Variants in MYO10 observed in about 807,000 individuals in gnomAD.
The protein encoded by MYO10 is myosin X.
In MYO10, 133 loss-of-function variants were observed where a neutral mutation model predicts 257.3. The observed-to-expected ratio is 0.52, with a 90% CI of 0.45 to 0.60. The LOEUF (loss-of-function observed/expected upper bound fraction) is 0.60, where lower values mean the gene tolerates loss of function less well. Ranked by LOEUF, MYO10 falls within the 20% of genes least tolerant of loss-of-function variation. MYO10 has a pLI of 0.00. For missense variants in MYO10, 2,399 were observed against 2,635.7 expected, an observed-to-expected ratio of 0.91 and a Z score of 1.97; for synonymous variants, 1,104 against 1,028.6, an observed-to-expected ratio of 1.07 and a Z score of -1.40.
rs1742676076 is a variant in MYO10 at position 16,818,038 on chromosome 5, A to G, written c.250T>C (p.Phe84Leu). The G allele has an allele frequency of 5.0e-6, 8 of 1,597,764 alleles. No homozygotes were observed. Among genetic ancestry groups the G allele is most frequent in the Non-Finnish European group, 6.8e-6 (8 of 1,170,048 alleles). The stretch of plus-strand genomic sequence containing the variant: ...ATTTGATTTCTCTTATACCGCTGGA[A>G]TAAGTTATACATGATGGAGCCGCCA... ...LHGGSIMYNL[F>L]QRYKRNQIYT... Residue 84 changes from phenylalanine to leucine, a missense_variant, in exon 3 of 41, where the codon TTC becomes CTC. Physicochemically the swap from Phe to Leu is conservative, Grantham distance 22 (BLOSUM62 0). Transcript: ENST00000513610.
In MYO10 at chr5:16,699,323, C is replaced by T. The variant is rs982865267; in HGVS notation, c.3556+127G>A. 63 of 1,274,806 alleles carry T rather than the reference C, an allele frequency of 4.9e-5. 3 individuals carry two copies. In the South Asian group the frequency reaches 5.6e-4, roughly 11 times the overall value. 79.0% of individuals were successfully genotyped at this position (1,274,806 alleles called of 1,614,324 possible). A position where few individuals can be genotyped will look rare whatever the true frequency, so the allele number is the denominator to read the frequency against. On this transcript the variant is annotated intron_variant, in intron 26 of 40. Coordinates refer to ENST00000513610, the MANE Select transcript of MYO10 (RefSeq NM_012334.3). ...AGGTAAGGGTAGGTAGAACGACTTT[C>T]CCAGTCCCCATCCATCAGCCCAGAT...
chr5:16,858,801 T>C (rs565782392), intron 2 of MYO10, among the ~76,000 whole-genome samples: 12 of 151,996 alleles, frequency 7.9e-5, no homozygotes, highest in Middle Eastern at 3.4e-3. Context: ...CTACTAAAAA[T>C]ATAAAAATTA....
At chr5:16,699,606 A>T in intron 25 of MYO10, 33 bp from the exon 26 acceptor site, 2 of 1,611,252 alleles carry the variant, frequency 1.2e-6, no homozygotes, top group South Asian at 1.1e-5. Context: ...ACGGTGAGGG[A>T]AAAGGCCACA....
chr5:16,909,837 G>C (rs1408577461), intron 1 of MYO10, among the ~76,000 whole-genome samples: 1 of 152,108 alleles, frequency 6.6e-6, no homozygotes, highest in African/African-American at 2.4e-5. Flanking sequence ...AGGGAAGAGT[G>C]AATTCTCACT....
rs547924683 is a variant in MYO10, at chr5:16,666,341, C to T, written c.*351G>A. On this transcript the variant is annotated 3_prime_UTR_variant, in exon 41 of 41. Coordinates refer to ENST00000513610, the MANE Select transcript of MYO10 (RefSeq NM_012334.3). ...AAGTCTCCCCCAGAAGGGGGAAAGGCAGTTCCCTTCAGTAGCACAGTTACG... is the reference window on the plus strand; with the variant it reads ...AAGTCTCCCCCAGAAGGGGGAAAGGTAGTTCCCTTCAGTAGCACAGTTACG... 15 of 204,382 alleles carry T rather than the reference C, an allele frequency of 7.3e-5. No individual in the cohort carries two copies. The East Asian group carries it at 1.7e-3, about 23-fold the overall frequency. 12.7% of individuals were successfully genotyped at this position (204,382 alleles called of 1,614,324 possible).
chr5:16,692,510 T>C (rs1737554708), intron 27 of MYO10, among the ~76,000 whole-genome samples: 1 of 152,198 alleles, frequency 6.6e-6, no homozygotes, highest in Non-Finnish European at 1.5e-5. Context: ...GCTAACATTA[T>C]TTTTTTAATG....
intron 3 of MYO10, among the ~76,000 whole-genome samples, chr5:16,805,265 C>T (rs926260708): frequency 3.3e-5 from 5 of 151,958 alleles, no homozygotes; most frequent in Non-Finnish European, 5.9e-5. Flanking sequence ...GAGTTCAAGA[C>T]CAGCCTGGCC....
At chr5:16,829,508 G>A (rs979228234) in intron 2 of MYO10, among the ~76,000 whole-genome samples, 8 of 152,164 alleles carry the variant, frequency 5.3e-5, no homozygotes, top group African/African-American at 1.2e-4. Flanking sequence ...TCTTCCTGCC[G>A]TCATGTACAC....
intron 3 of MYO10, among the ~76,000 whole-genome samples, chr5:16,807,727 T>C (rs1046785334): frequency 6.6e-6 from 1 of 152,144 alleles, no homozygotes; most frequent in Non-Finnish European, 1.5e-5. Context: ...GCTATCCTCC[T>C]TCTTGGCCAA....
At chr5:16,684,037 CT>C in intron 29 of MYO10, 102 bp from the exon 30 acceptor site, 2 of 1,056,234 alleles carry the variant, frequency 1.9e-6, no homozygotes, top group Non-Finnish European at 2.8e-6. Flanking sequence ...ACAGAAAAGG[CT>C]CTTTTCTTTT....
intron 4 of MYO10, among the ~76,000 whole-genome samples, chr5:16,789,432 A>C (rs1465548383): frequency 2.0e-5 from 3 of 152,156 alleles, no homozygotes; most frequent in African/African-American, 7.2e-5. Flanking sequence ...TAAAAGATTA[A>C]CTCCAAAGGT....
intron 19 of MYO10, among the ~76,000 whole-genome samples, chr5:16,728,883 G>T (rs141015636): frequency 6.6e-6 from 1 of 152,242 alleles, no homozygotes; most frequent in African/African-American, 2.4e-5. Context: ...CTCTTACAGC[G>T]ATCTGATGTG....
chr5:16,757,805 C>A (rs1010142929), intron 18 of MYO10, among the ~76,000 whole-genome samples: 1 of 152,160 alleles, frequency 6.6e-6, no homozygotes, highest in Non-Finnish European at 1.5e-5. Flanking sequence ...GCTGGGACTA[C>A]AGGCATGCGC....
intron 1 of MYO10, among the ~76,000 whole-genome samples, chr5:16,882,186 G>GC (rs1267258657): frequency 6.6e-6 from 1 of 152,044 alleles, no homozygotes; most frequent in African/African-American, 2.4e-5. Context: ...AGACAGAGAG[G>GC]CAATACCGTC....
chr5:16,694,784 G>A (rs1737662165), intron 26 of MYO10, among the ~76,000 whole-genome samples, 170 bp from the exon 27 acceptor site: 1 of 152,150 alleles, frequency 6.6e-6, no homozygotes, highest in Non-Finnish European at 1.5e-5. Flanking sequence ...ATGTCTGGGG[G>A]CACCACACAG....
chr5:16,925,643 C>T (rs1244744615), intron 1 of MYO10, among the ~76,000 whole-genome samples: 1 of 152,146 alleles, frequency 6.6e-6, no homozygotes, highest in Non-Finnish European at 1.5e-5. Context: ...AACTCCTGAC[C>T]TCAGGTGATC....
At chr5:16,792,065 G>C (rs1362792170) in intron 4 of MYO10, among the ~76,000 whole-genome samples, 3 of 151,016 alleles carry the variant, frequency 2.0e-5, no homozygotes, top group East Asian at 3.9e-4. Flanking sequence ...CGAGAAGACA[G>C]TACCTCTGCC....
chr5:16,778,710 T>TTTTTTTTTTA, intron 9 of MYO10, among the ~76,000 whole-genome samples: 1 of 86,354 alleles, frequency 1.2e-5, no homozygotes, highest in African/African-American at 3.9e-5. Flanking sequence ...TTTTTTTTTT[T>TTTTTTTTTTA]GAGACGGAGT....
At chr5:16,830,072 T>G (rs1307374385) in intron 2 of MYO10, among the ~76,000 whole-genome samples, 1 of 151,996 alleles carries the variant, frequency 6.6e-6, no homozygotes, top group Non-Finnish European at 1.5e-5. Context: ...AAACCCCTAC[T>G]AAAAATCACA....
Sources: gnomAD v4.1 joint callset for allele counts (sites outside exome capture counted in the v4.1 genomes callset) on GRCh38, gnomAD v4.1.1 for gene constraint, MANE v1.5 for transcripts, NCBI Gene and HGNC (gene_info 2026-07-23, HGNC 2026-07-21) for gene names.